The following FLRT1 variants were observed in gnomAD, a reference collection of about 807,000 sequenced individuals.
FLRT1 encodes the protein leucine-rich repeat transmembrane protein FLRT1.
A neutral mutation model predicts 30.9 loss-of-function variants in FLRT1; 14 were observed. The ratio of observed to expected loss-of-function variants is 0.45; its 90% CI spans 0.30 to 0.71. The LOEUF (loss-of-function observed/expected upper bound fraction) is 0.71, where lower values mean the gene tolerates loss of function less well. Among genes scored for constraint, FLRT1 ranks in the 30% least tolerant of loss-of-function variants. The pLI is 0.08. For missense variants in FLRT1, 737 were observed against 949.2 expected (o/e 0.78, Z 2.94); for synonymous variants, 368 against 430.4 (o/e 0.85, Z 1.80).
chr11:64,113,823 C>CATGG (rs138768566), intron 2 of FLRT1, among the ~76,000 whole-genome samples: 2,710 of 113,820 alleles, frequency 0.024, 178 homozygotes, highest in Admixed American at 0.16. Flanking sequence ...CAGGTGGACG[C>CATGG]ATGGATGGAT....
At chr11:64,086,507 T>C (rs1944397795) in intron 1 of FLRT1, among the ~76,000 whole-genome samples, 1 of 151,976 alleles carries the variant, frequency 6.6e-6, no homozygotes, top group Non-Finnish European at 1.5e-5. Context: ...TGAGGTCCCC[T>C]AGCTGACCGC....
rs140335697 is a variant in FLRT1, at chr11:64,092,267, G to A, written c.-1037-10927G>A. 1.1e-3 allele frequency among the ~76,000 whole-genome samples: 169 copies of A among 152,298 alleles called. 1 individual carries two copies. The highest frequency in any genetic ancestry group is 4.0e-3 in the African/African-American group (165 of 41,554). On this transcript the variant is annotated intron_variant, in intron 1 of 2. Coordinates refer to ENST00000682287, the MANE Select transcript of FLRT1 (RefSeq NM_013280.5). ...TCTGCCTCTTAAAAAAATTAAACAC[G>A]GATGGTTTCATATGGGGAGAATTAG...
chr11:64,077,138 C>T (rs993182804), intron 1 of FLRT1, among the ~76,000 whole-genome samples: 9 of 152,200 alleles, frequency 5.9e-5, no homozygotes, highest in African/African-American at 2.2e-4. Flanking sequence ...GGCCTGAACC[C>T]CTTCTCCCTG....
intron 1 of FLRT1, among the ~76,000 whole-genome samples, chr11:64,085,111 G>T (rs1436255952): frequency 6.6e-6 from 1 of 152,242 alleles, no homozygotes; most frequent in Non-Finnish European, 1.5e-5. Flanking sequence ...TCAAGCCCAT[G>T]CAGTGGGGCA....
intron 1 of FLRT1, among the ~76,000 whole-genome samples, chr11:64,094,363 G>A (rs1420881351): frequency 4.0e-5 from 6 of 151,872 alleles, no homozygotes; most frequent in African/African-American, 1.2e-4. Flanking sequence ...CCCAGGAGGC[G>A]GAGGTTGCAG....
In FLRT1 at chr11:64,105,958, G is replaced by A. The variant is rs568541845; in HGVS notation, c.-50+1777G>A. On this transcript the variant is annotated intron_variant, in intron 2 of 2. Coordinates refer to ENST00000682287, the MANE Select transcript of FLRT1 (RefSeq NM_013280.5). ...GGGTCCTGAGTGGTGGGTTCCATCC[G>A]TGAGTGTATCTGTGGGGTGGGCGGG... is the stretch of plus-strand genomic sequence containing the variant. 2.0e-4 allele frequency among the ~76,000 whole-genome samples: 28 copies of A among 139,046 alleles called. 1 individual carries two copies. The South Asian group carries it at 6.6e-3, about 33-fold the overall frequency. The allele number at this position is 139,046 out of a possible 152,430, so 91.2% of individuals were successfully genotyped here. A position where few individuals can be genotyped will look rare whatever the true frequency, so the allele number is the denominator to read the frequency against.
chr11:64,097,222 G>A (rs950271067), intron 1 of FLRT1, among the ~76,000 whole-genome samples: 12 of 152,228 alleles, frequency 7.9e-5, no homozygotes, highest in African/African-American at 2.7e-4. Flanking sequence ...GAAAGTACAG[G>A]GAGGGACTGC....
At chr11:64,076,117 G>A (rs1438838699) in intron 1 of FLRT1, among the ~76,000 whole-genome samples, 1 of 152,162 alleles carries the variant, frequency 6.6e-6, no homozygotes, top group Non-Finnish European at 1.5e-5. Context: ...GCACAGGCTG[G>A]CCCTGCCAGT....
chr11:64,078,558 G>T (rs939970798), intron 1 of FLRT1, among the ~76,000 whole-genome samples: 6 of 152,252 alleles, frequency 3.9e-5, no homozygotes, highest in Admixed American at 2.6e-4. Context: ...GGGCAGTGGT[G>T]TGAGCGCGGC....
intron 1 of FLRT1, among the ~76,000 whole-genome samples, chr11:64,083,767 G>A (rs1157347985): frequency 6.6e-6 from 1 of 152,174 alleles, no homozygotes; most frequent in African/African-American, 2.4e-5. Flanking sequence ...CTCCTGAAGG[G>A]CCCCAGCCCC....
chr11:64,068,996 C>A (rs1770996652), intron 1 of FLRT1, among the ~76,000 whole-genome samples: 1 of 152,206 alleles, frequency 6.6e-6, no homozygotes, highest in Admixed American at 6.5e-5. Context: ...CCTGATAGTG[C>A]CACTCACTAA....
At chr11:64,048,689 T>TA (rs5792308) in intron 1 of FLRT1, among the ~76,000 whole-genome samples, 33,000 of 152,146 alleles carry the variant, frequency 0.22, 7,050 homozygotes, top group African/African-American at 0.54. Context: ...TGCCTGCAGT[T>TA]TTTGCTCCAT....
At chr11:64,045,593 C>T (rs1254974582) in intron 1 of FLRT1, among the ~76,000 whole-genome samples, 2 of 152,120 alleles carry the variant, frequency 1.3e-5, no homozygotes, top group African/African-American at 4.8e-5. Flanking sequence ...GAGGGAGCAG[C>T]GGCGTTCAGC....
chr11:64,058,420 CT>C (rs1943833093), intron 1 of FLRT1, among the ~76,000 whole-genome samples: 1 of 152,362 alleles, frequency 6.6e-6, no homozygotes, highest in Non-Finnish European at 1.5e-5. Context: ...GGGTCCTCCC[CT>C]GTATGCCAGG....
intron 1 of FLRT1, among the ~76,000 whole-genome samples, chr11:64,083,699 G>A (rs1266395085): frequency 6.6e-6 from 1 of 152,250 alleles, no homozygotes; most frequent in Non-Finnish European, 1.5e-5. Flanking sequence ...AAATAGGAAT[G>A]GGACTCGCCA....
At chr11:64,048,046 C>T (rs1479476432) in intron 1 of FLRT1, among the ~76,000 whole-genome samples, 2 of 152,170 alleles carry the variant, frequency 1.3e-5, no homozygotes, top group African/African-American at 2.4e-5. Flanking sequence ...GCTGGCAGGC[C>T]CTGCCCGCCT....
rs534149753 is a variant in FLRT1, at chr11:64,117,668, T to C, written c.1401T>C (p.Ser467=). Residue 467 remains serine, a synonymous_variant, in exon 3 of 3, where the codon AGT becomes AGC. Transcript: ENST00000682287. The stretch of plus-strand genomic sequence containing the variant: ...TCCCCGCCTCCTCTTTCCGGCTCAG[T>C]TGGCTGCGCCTGGGCCACAGCCCAG... ...ATLPASSFRL[S]WLRLGHSPAV... The C allele has an allele frequency of 1.2e-6, 2 of 1,613,708 alleles. No individual in the cohort carries two copies. The highest frequency in any genetic ancestry group is 1.3e-5 in the African/African-American group (1 of 75,078).
intron 2 of FLRT1, among the ~76,000 whole-genome samples, chr11:64,114,751 A>C (rs1944945016): frequency 6.6e-6 from 1 of 152,086 alleles, no homozygotes; most frequent in African/African-American, 2.4e-5. Flanking sequence ...GGACAGGTCC[A>C]TGCATGAATT....
chr11:64,048,048 T>C (rs1943618096), intron 1 of FLRT1, among the ~76,000 whole-genome samples: 1 of 152,190 alleles, frequency 6.6e-6, no homozygotes, highest in African/African-American at 2.4e-5. Context: ...TGGCAGGCCC[T>C]GCCCGCCTGA....
Sources: allele counts gnomAD v4.1 joint callset (sites outside exome capture counted in the v4.1 genomes callset), GRCh38; gene constraint gnomAD v4.1.1; transcripts MANE v1.5; gene names NCBI Gene and HGNC (gene_info 2026-07-23, HGNC 2026-07-21).